The following GNPAT variants were observed in gnomAD, a reference collection of about 807,000 sequenced individuals.
GNPAT encodes glyceronephosphate O-acyltransferase, also known as dihydroxyacetone phosphate acyltransferase.
GNPAT carries 30 observed loss-of-function variants against 78.4 expected under a neutral mutation model. The observed-to-expected ratio is 0.38, with a 90% CI of 0.29 to 0.52. The LOEUF (loss-of-function observed/expected upper bound fraction) is 0.52. Ranked by LOEUF, GNPAT falls within the 20% of genes least tolerant of loss-of-function variation. The pLI is 0.84. For synonymous variants in GNPAT, 271 were observed against 281.1 expected, an observed-to-expected ratio of 0.96 and a Z score of 0.36; for missense variants, 714 against 812.2, an observed-to-expected ratio of 0.88 and a Z score of 1.47.
intron 1 of GNPAT, among the ~76,000 whole-genome samples, chr1:231,241,852 A>C (rs1456385357): frequency 6.6e-6 from 1 of 152,250 alleles, no homozygotes; most frequent in African/African-American, 2.4e-5. Context: ...GCCCTGAGAT[A>C]GCCTGTGGCT....
intron 1 of GNPAT, among the ~76,000 whole-genome samples, chr1:231,246,462 C>T (rs1266605861): frequency 1.3e-5 from 2 of 152,146 alleles, no homozygotes; most frequent in Admixed American, 1.3e-4. Context: ...CAGTCACTAT[C>T]TGTTGAATGA....
intron 2 of GNPAT, among the ~76,000 whole-genome samples, chr1:231,253,531 GC>G (rs1362509587): frequency 6.6e-6 from 1 of 152,258 alleles, no homozygotes; most frequent in East Asian, 1.9e-4. Flanking sequence ...TTTTATCTCT[GC>G]TCTCTGTTTT....
intron 2 of GNPAT, among the ~76,000 whole-genome samples, chr1:231,254,866 C>T (rs1685004286): frequency 6.6e-6 from 1 of 151,998 alleles, no homozygotes; most frequent in Non-Finnish European, 1.5e-5. Flanking sequence ...ATTCTCCTGC[C>T]TCAGCGTCCC....
Position 231,266,407 on chromosome 1 carries a change from G to C in GNPAT, c.1055G>C (p.Arg352Thr). 1.9e-6 allele frequency: 3 copies of C among 1,613,514 alleles called. No homozygotes were observed. The highest frequency in any genetic ancestry group is 2.5e-6 in the Non-Finnish European group (3 of 1,179,454). Residue 352 changes from arginine (R) to threonine (T), a missense_variant and splice_region_variant, in exon 8 of 16, where the codon AGA becomes ACA. Arg to Thr is a moderately conservative substitution (Grantham distance 71). Coordinates refer to ENST00000366647, the MANE Select transcript of GNPAT (RefSeq NM_014236.4). ...MSRSSYNLVP[R>T]YIPQKQSEDM... The stretch of plus-strand genomic sequence containing the variant: ...CGGAGCTCATATAACTTGGTTCCAA[G>C]GTGTGACCTGTGTTTTAATAACTGT...
intron 8 of GNPAT, 22 bp downstream of exon 8, chr1:231,266,429 CTG>C: frequency 2.5e-6 from 4 of 1,605,710 alleles, no homozygotes; most frequent in Non-Finnish European, 3.4e-6. Flanking sequence ...GTTTTAATAA[CTG>C]TCTTAGAAAT....
intron 2 of GNPAT, among the ~76,000 whole-genome samples, chr1:231,256,066 A>G (rs1685048087): frequency 6.6e-6 from 1 of 152,168 alleles, no homozygotes; most frequent in Non-Finnish European, 1.5e-5. Context: ...TATTCTACCC[A>G]GTCACTGGGC....
chr1:231,249,178 A>G (rs1684826971), intron 1 of GNPAT, among the ~76,000 whole-genome samples: 1 of 152,224 alleles, frequency 6.6e-6, no homozygotes, highest in Admixed American at 6.5e-5. Flanking sequence ...ATATTTATTA[A>G]TGAGAAATGT....
chr1:231,265,658 A>G (rs776313541), intron 5 of GNPAT, 54 bp from the exon 6 acceptor site: 7 of 1,071,688 alleles, frequency 6.5e-6, no homozygotes, highest in Admixed American at 3.4e-5. Context: ...AGAAGCATTT[A>G]TCATTTTGAG....
chr1:231,251,979 A>G (rs1293874712), intron 2 of GNPAT, among the ~76,000 whole-genome samples: 2 of 152,220 alleles, frequency 1.3e-5, no homozygotes, highest in Non-Finnish European at 2.9e-5. Context: ...TGATAATAAG[A>G]AATAAGCCTA....
chr1:231,274,401 G>A (rs1239200968), intron 12 of GNPAT, among the ~76,000 whole-genome samples: 2 of 152,164 alleles, frequency 1.3e-5, no homozygotes, highest in Non-Finnish European at 2.9e-5. Flanking sequence ...ATGTAACCTC[G>A]AGGTTTGATA....
chr1:231,275,006 T>C, intron 12 of GNPAT: 2 of 517,690 alleles, frequency 3.9e-6, no homozygotes, highest in Non-Finnish European at 6.9e-6. Context: ...GTCATTATTA[T>C]TTTAAATCTT....
chr1:231,250,831 C>G, intron 1 of GNPAT, 130 bp from the exon 2 acceptor site: 1 of 658,120 alleles, frequency 1.5e-6, no homozygotes, highest in Non-Finnish European at 2.8e-6. Context: ...AATCTAACAT[C>G]AGAACACTCT....
chr1:231,263,739 C>T (rs1391274145), intron 4 of GNPAT, among the ~76,000 whole-genome samples: 1 of 152,118 alleles, frequency 6.6e-6, no homozygotes, highest in African/African-American at 2.4e-5. Flanking sequence ...AGTTGTTCTA[C>T]ATCCTTGCCA....
chr1:231,266,620 G>A (rs989778683), intron 8 of GNPAT, among the ~76,000 whole-genome samples: 1 of 152,186 alleles, frequency 6.6e-6, no homozygotes, highest in Non-Finnish European at 1.5e-5. Context: ...TGTGAGATAT[G>A]TATGTCAAAT....
chr1:231,267,559 C>A (rs1017107760), intron 8 of GNPAT, 121 bp from the exon 9 acceptor site: 10 of 753,624 alleles, frequency 1.3e-5, no homozygotes, highest in Non-Finnish European at 2.4e-5. Context: ...TTGCACCTGA[C>A]CTGAGAGAAT....
chr1:231,265,918 G>A, intron 6 of GNPAT, 96 bp from the exon 7 acceptor site: 1 of 1,093,550 alleles, frequency 9.1e-7, no homozygotes, highest in Non-Finnish European at 1.4e-6. Context: ...TACGGGATTA[G>A]TGTATAATGT....
At chr1:231,267,113 G>A (rs1685410152) in intron 8 of GNPAT, among the ~76,000 whole-genome samples, 1 of 152,136 alleles carries the variant, frequency 6.6e-6, no homozygotes, top group African/African-American at 2.4e-5. Context: ...CTAGTACAGG[G>A]CACCCTTACT....
rs780614492 is a variant in GNPAT at position 231,265,724 on chromosome 1, C to T, written c.709C>T (p.Pro237Ser). ...TTTCTCTTTAAAGAATGGTTATGCT[C>T]CTGTTGAATTTTTCCTCGAAGGGAC... ...VKTMLRNGYAPVEFFLEGTRS... is the reference protein window; with the variant it reads ...VKTMLRNGYASVEFFLEGTRS... Residue 237 changes from proline (P) to serine (S), a missense_variant, in exon 6 of 16, where the codon CCT becomes TCT. Physicochemically the swap from Pro to Ser is moderately conservative, Grantham distance 74. Transcript: ENST00000366647. 3 of 1,592,644 alleles carry T rather than the reference C, an allele frequency of 1.9e-6. No homozygotes were observed. Among genetic ancestry groups the T allele is most frequent in the South Asian group, 1.1e-5 (1 of 90,638 alleles).
At chr1:231,252,782 G>C (rs1558326875) in intron 2 of GNPAT, among the ~76,000 whole-genome samples, 1 of 151,908 alleles carries the variant, frequency 6.6e-6, no homozygotes, top group Admixed American at 6.6e-5. Flanking sequence ...TTTTTGTAAG[G>C]AGAGTGAACT....
Sources: gnomAD v4.1 joint callset for allele counts (sites outside exome capture counted in the v4.1 genomes callset) on GRCh38, gnomAD v4.1.1 for gene constraint, MANE v1.5 for transcripts, NCBI Gene and HGNC (gene_info 2026-07-23, HGNC 2026-07-21) for gene names.